Variants in CSMD1 observed in about 807,000 individuals in gnomAD.
CSMD1 encodes the protein CUB and sushi domain-containing protein 1.
CSMD1 carries 213 observed loss-of-function variants against 417.5 expected under a neutral mutation model. The ratio of observed to expected loss-of-function variants is 0.51; its 90% CI spans 0.46 to 0.57. CSMD1 has a LOEUF of 0.57. CSMD1 is among the 20% of genes least tolerant of loss of function. The pLI, the probability that CSMD1 is intolerant of heterozygous loss-of-function variation, is 0.00. For synonymous variants in CSMD1, 2,862 were observed against 1,736.8 expected (o/e 1.65, Z -16.11); for missense variants, 6,923 against 4,529.7 (o/e 1.53, Z -15.17).
chr8:4,135,908 T>A (rs78159555), intron 3 of CSMD1, among the ~76,000 whole-genome samples: 6,015 of 152,282 alleles, frequency 0.039, 390 homozygotes, highest in African/African-American at 0.14. Context: ...ATGTTTTATT[T>A]AGCATATGTT....
intron 3 of CSMD1, among the ~76,000 whole-genome samples, chr8:4,386,547 G>C (rs1192145379): frequency 1.3e-5 from 2 of 152,190 alleles, no homozygotes; most frequent in Admixed American, 6.5e-5. Flanking sequence ...CTTAAAGCAA[G>C]CCTAAAATAA....
intron 4 of CSMD1, among the ~76,000 whole-genome samples, chr8:3,999,201 A>G (rs1229809466): frequency 1.3e-5 from 2 of 151,370 alleles, no homozygotes; most frequent in East Asian, 1.9e-4. Flanking sequence ...TATCCATAAT[A>G]TATATTTAAC....
intron 3 of CSMD1, among the ~76,000 whole-genome samples, chr8:4,374,436 G>C (rs75233835): frequency 1.3e-5 from 2 of 152,154 alleles, no homozygotes; most frequent in South Asian, 2.1e-4. Flanking sequence ...TTTGTAGAAG[G>C]AATGGAACTT....
At chr8:4,332,843 TG>T (rs1563065062) in intron 3 of CSMD1, among the ~76,000 whole-genome samples, 1 of 150,822 alleles carries the variant, frequency 6.6e-6, no homozygotes, top group African/African-American at 2.4e-5. Flanking sequence ...GCTGATGAAA[TG>T]TTTTTTCCCA....
At chr8:3,322,392 T>A (rs60534405) in intron 23 of CSMD1, among the ~76,000 whole-genome samples, 2 of 152,186 alleles carry the variant, frequency 1.3e-5, no homozygotes, top group South Asian at 4.1e-4. Context: ...AATTTCTTAG[T>A]ATTTCCTTCA....
intron 3 of CSMD1, among the ~76,000 whole-genome samples, chr8:4,325,731 T>C (rs771075422): frequency 6.6e-6 from 1 of 152,278 alleles, no homozygotes; most frequent in African/African-American, 2.4e-5. Flanking sequence ...AATCCAACAC[T>C]GAGAAGGCGT....
At chr8:3,674,713 G>C (rs999617502) in intron 7 of CSMD1, among the ~76,000 whole-genome samples, 1 of 152,128 alleles carries the variant, frequency 6.6e-6, no homozygotes, top group Non-Finnish European at 1.5e-5. Flanking sequence ...GAGAGCCCCA[G>C]TCTTGCTGAT....
intron 1 of CSMD1, among the ~76,000 whole-genome samples, chr8:4,847,564 G>C (rs907421376): frequency 6.6e-6 from 1 of 152,082 alleles, no homozygotes; most frequent in Non-Finnish European, 1.5e-5. Context: ...TTATTAAAGA[G>C]TCCATACTCT....
chr8:3,152,506 A>G (rs1363501313), intron 39 of CSMD1, among the ~76,000 whole-genome samples: 1 of 152,180 alleles, frequency 6.6e-6, no homozygotes, highest in Non-Finnish European at 1.5e-5. Flanking sequence ...CCTGTGGTGA[A>G]GCCTTTTTCT....
At chr8:3,552,911 G>A (rs1182477296) in intron 10 of CSMD1, among the ~76,000 whole-genome samples, 1 of 152,012 alleles carries the variant, frequency 6.6e-6, no homozygotes, top group Non-Finnish European at 1.5e-5. Flanking sequence ...GATAATTAAT[G>A]GAGATCGGAA....
intron 1 of CSMD1, among the ~76,000 whole-genome samples, chr8:4,851,366 T>C (rs975173841): frequency 1.3e-5 from 2 of 152,148 alleles, no homozygotes; most frequent in Non-Finnish European, 2.9e-5. Context: ...TCACTGGCTT[T>C]CATGATCCCA....
rs117539271 is a variant in CSMD1 at position 2,938,690 on chromosome 8, T to C, written c.10590A>G (p.Gly3530=). ...ACATGGGGTTTTCAAACGATGCTTGTCCATTGCTGTTTTCATGCCCAGCAT... is the reference window on the plus strand; with the variant it reads ...ACATGGGGTTTTCAAACGATGCTTGCCCATTGCTGTTTTCATGCCCAGCAT... ...NGYAGHENSN[G]QASFENPMYD... Residue 3530 remains glycine (G), a synonymous_variant, in exon 70 of 70, where the codon GGA becomes GGG. Transcript: ENST00000635120. 429 of 1,611,970 alleles carry C rather than the reference T, an allele frequency of 2.7e-4. 2 individuals are homozygous for C. In the East Asian group the frequency reaches 8.4e-3, roughly 32 times the overall value.
intron 26 of CSMD1, among the ~76,000 whole-genome samples, chr8:3,243,118 A>T (rs1799651688): frequency 6.6e-6 from 1 of 152,052 alleles, no homozygotes; most frequent in Non-Finnish European, 1.5e-5. Flanking sequence ...TTGAAAGGAG[A>T]AAGTGGTTGA....
chr8:3,601,175 G>A (rs1049520922), intron 8 of CSMD1, among the ~76,000 whole-genome samples: 5 of 152,156 alleles, frequency 3.3e-5, no homozygotes, highest in African/African-American at 1.2e-4. Context: ...GCATCATTGT[G>A]TCCGTGGGAT....
intron 1 of CSMD1, among the ~76,000 whole-genome samples, chr8:4,688,609 C>G (rs995128918): frequency 1.3e-5 from 2 of 152,196 alleles, no homozygotes; most frequent in African/African-American, 2.4e-5. Flanking sequence ...TTTTATTCAA[C>G]TGAATGTCAT....
chr8:4,101,012 A>T (rs980570087), intron 3 of CSMD1, among the ~76,000 whole-genome samples: 5 of 152,132 alleles, frequency 3.3e-5, no homozygotes, highest in African/African-American at 1.2e-4. Flanking sequence ...AGAAATTCCC[A>T]ATCCACGCAG....
intron 2 of CSMD1, among the ~76,000 whole-genome samples, chr8:4,629,191 C>G (rs1802354462): frequency 1.3e-5 from 2 of 152,158 alleles, no homozygotes; most frequent in East Asian, 3.9e-4. Context: ...ACATTCTTAG[C>G]TAGAATTTCT....
chr8:4,107,015 A>C (rs56146618), intron 3 of CSMD1, among the ~76,000 whole-genome samples: 1 of 152,168 alleles, frequency 6.6e-6, no homozygotes, highest in Admixed American at 6.5e-5. Context: ...CAGGAGAGAA[A>C]ATTGTATGAG....
intron 1 of CSMD1, among the ~76,000 whole-genome samples, chr8:4,667,198 A>G (rs1041190939): frequency 2.0e-5 from 3 of 152,152 alleles, no homozygotes; most frequent in Admixed American, 6.5e-5. Context: ...ATTTTGTTCC[A>G]TAGATTATAT....
Sources: allele counts gnomAD v4.1 joint callset (sites outside exome capture counted in the v4.1 genomes callset), GRCh38; gene constraint gnomAD v4.1.1; transcripts MANE v1.5; gene names NCBI Gene and HGNC (gene_info 2026-07-23, HGNC 2026-07-21).